ARSG: variants seen among roughly 807,000 people sequenced by gnomAD.
The protein encoded by ARSG is ASG.
In ARSG, 37 loss-of-function variants were observed where a neutral mutation model predicts 50.5. The observed-to-expected ratio is 0.73, with a 90% confidence interval of 0.56 to 0.96. The LOEUF (loss-of-function observed/expected upper bound fraction) is 0.96, where lower values mean the gene tolerates loss of function less well. Ranked by LOEUF, ARSG falls within the 50% of genes least tolerant of loss-of-function variation. The pLI, the probability that ARSG is intolerant of heterozygous loss-of-function variation, is 0.00. For synonymous variants in ARSG, 225 were observed against 254.6 expected, an observed-to-expected ratio of 0.88 and a Z score of 1.11; for missense variants, 629 against 675.3, an observed-to-expected ratio of 0.93 and a Z score of 0.76.
chr17:68,316,517 C>A (rs1308435097), intron 2 of ARSG, among the ~76,000 whole-genome samples: 1 of 152,200 alleles, frequency 6.6e-6, no homozygotes, highest in African/African-American at 2.4e-5. Context: ...TGGATCTAAA[C>A]TTCTAGGTGT....
At chr17:68,309,006 G>T (rs562005255) in intron 2 of ARSG, among the ~76,000 whole-genome samples, 5 of 152,364 alleles carry the variant, frequency 3.3e-5, no homozygotes, top group Non-Finnish European at 2.9e-5. Flanking sequence ...GCCCACGGAG[G>T]GGGTGGGAGG....
At chr17:68,370,393 CG>C in intron 7 of ARSG, 50 bp from the exon 8 acceptor site, 2 of 1,575,840 alleles carry the variant, frequency 1.3e-6, no homozygotes, top group South Asian at 2.2e-5. Context: ...GGAGGGTCAG[CG>C]AAAGTGTCCA....
the ARSG span, among the ~76,000 whole-genome samples, chr17:68,432,973 T>G: frequency 6.6e-6 from 1 of 152,264 alleles, no homozygotes; most frequent in African/African-American, 2.4e-5. Context: ...TAGGCTTTTC[T>G]TTCACTTTTC....
chr17:68,394,259 T>G (rs976690969), intron 9 of ARSG, among the ~76,000 whole-genome samples: 3 of 152,110 alleles, frequency 2.0e-5, no homozygotes, highest in Non-Finnish European at 2.9e-5. Context: ...TGGTAAGTAC[T>G]TAGTTAAGAT....
the ARSG span, chr17:68,430,072 T>C: frequency 3.0e-5 from 48 of 1,614,194 alleles, 1 homozygote; most frequent in Middle Eastern, 4.9e-4. Flanking sequence ...TGATGCATCA[T>C]GTCTGACACC....
At chr17:68,294,358 T>C (rs1555757397) in intron 1 of ARSG, among the ~76,000 whole-genome samples, 1 of 152,262 alleles carries the variant, frequency 6.6e-6, no homozygotes, top group Non-Finnish European at 1.5e-5. Flanking sequence ...GCCTGTTCTC[T>C]GTCCACGTTT....
At chr17:68,375,320 T>C (rs1335230994) in intron 8 of ARSG, among the ~76,000 whole-genome samples, 2 of 152,072 alleles carry the variant, frequency 1.3e-5, no homozygotes, top group Non-Finnish European at 2.9e-5. Context: ...CCAATGGTTA[T>C]CAAAGTGTGG....
At chr17:68,299,055 A>G (rs1410469537) in intron 1 of ARSG, among the ~76,000 whole-genome samples, 2 of 151,712 alleles carry the variant, frequency 1.3e-5, no homozygotes, top group Non-Finnish European at 2.9e-5. Context: ...CTTAAGAGAA[A>G]GTTTCCTATT....
At chr17:68,281,797 C>G (rs1216598882) in intron 1 of ARSG, among the ~76,000 whole-genome samples, 4 of 152,096 alleles carry the variant, frequency 2.6e-5, no homozygotes, top group African/African-American at 9.7e-5. Context: ...GAAAAGAACT[C>G]TTATACACTG....
chr17:68,307,666 C>A lies in ARSG; in HGVS notation c.173C>A (p.Thr58Lys), dbSNP rs1555764888. The change falls in exon 2 of 12, where the codon ACA (threonine) becomes AAA (lysine). Residue 58 changes from threonine to lysine, a missense_variant. Physicochemically the swap from Thr to Lys is moderately conservative, Grantham distance 78 (BLOSUM62 -1). Transcript: ENST00000621439. The part of the protein sequence containing the change: ...WGDLGANWAE[T>K]KDTANLDKMA... ...GACCTGGGAGCAAACTGGGCAGAAA[C>A]AAAGGACACTGCCAACCTTGATAAG... 6.2e-7 allele frequency: 1 copy of A among 1,608,888 alleles called. No homozygotes were observed. Among genetic ancestry groups the A allele is most frequent in the African/African-American group, 1.3e-5 (1 of 74,784 alleles).
chr17:68,437,014 A>ATGTGTGTGTGTG, the ARSG span, among the ~76,000 whole-genome samples: 15 of 82,144 alleles, frequency 1.8e-4, no homozygotes, highest in African/African-American at 3.6e-4. Flanking sequence ...AAATATATAT[A>ATGTGTGTGTGTG]TATGTGTGTG....
intron 1 of ARSG, chr17:68,278,270 T>G (rs1568412144): frequency 4.3e-6 from 7 of 1,614,190 alleles, no homozygotes; most frequent in Non-Finnish European, 5.9e-6. Context: ...CATCAGGCAC[T>G]TCAGTATACA....
At chr17:68,353,738 G>T (rs776734430) in intron 5 of ARSG, among the ~76,000 whole-genome samples, 4 of 152,154 alleles carry the variant, frequency 2.6e-5, no homozygotes, top group Non-Finnish European at 5.9e-5. Flanking sequence ...GTCTCGTTCT[G>T]TTGCCCAGGC....
chr17:68,352,050 G>A (rs1568506257), intron 5 of ARSG, among the ~76,000 whole-genome samples: 1 of 148,924 alleles, frequency 6.7e-6, no homozygotes, highest in East Asian at 2.0e-4. Flanking sequence ...AGAGAGCAGA[G>A]GAGAGAGACA....
chr17:68,426,252 G>GGGGGGGGGT, downstream of ARSG: 6 of 828,184 alleles, frequency 7.2e-6, 1 homozygote, highest in South Asian at 2.7e-5. Context: ...TGGGGAGCGG[G>GGGGGGGGGT]GGCTCAAATA....
chr17:68,326,789 TC>T (rs782395170), intron 2 of ARSG, among the ~76,000 whole-genome samples: 8 of 152,252 alleles, frequency 5.3e-5, no homozygotes, highest in Admixed American at 1.3e-4. Flanking sequence ...GGTGGCAAGT[TC>T]CCACCTTTCC....
intron 1 of ARSG, among the ~76,000 whole-genome samples, chr17:68,292,695 C>T (rs1308124440): frequency 6.6e-6 from 1 of 152,068 alleles, no homozygotes; most frequent in Non-Finnish European, 1.5e-5. Flanking sequence ...TAATAAAAAT[C>T]CTTCCTTGCT....
chr17:68,320,921 T>C (rs937390752), intron 2 of ARSG, among the ~76,000 whole-genome samples: 1 of 152,098 alleles, frequency 6.6e-6, no homozygotes, highest in East Asian at 1.9e-4. Flanking sequence ...TGAATGTGAA[T>C]GTGCATATAT....
chr17:68,320,986 A>C (rs1329980410), intron 2 of ARSG, among the ~76,000 whole-genome samples: 1 of 152,186 alleles, frequency 6.6e-6, no homozygotes, highest in Non-Finnish European at 1.5e-5. Flanking sequence ...AACCAAGCTC[A>C]GCTGCCAGGA....
Sources: gnomAD v4.1 joint callset for allele counts (sites outside exome capture counted in the v4.1 genomes callset) on GRCh38, gnomAD v4.1.1 for gene constraint, MANE v1.5 for transcripts, NCBI Gene and HGNC (gene_info 2026-07-23, HGNC 2026-07-21) for gene names.